WDR70: variants seen among roughly 807,000 people sequenced by gnomAD.
WDR70 encodes WD repeat-containing protein 70.
WDR70 carries 53 observed loss-of-function variants against 88.6 expected under a neutral mutation model. The observed-to-expected ratio is 0.60, with a 90% CI of 0.48 to 0.75. The LOEUF is 0.75. Among genes scored for constraint, WDR70 ranks in the 30% least tolerant of loss-of-function variants. WDR70 has a pLI of 0.00. For missense variants in WDR70, 610 were observed against 823.2 expected, an observed-to-expected ratio of 0.74 and a Z score of 3.17; for synonymous variants, 280 against 270.0, an observed-to-expected ratio of 1.04 and a Z score of -0.36.
At chr5:37,482,552 C>G (rs1487954805) in intron 8 of WDR70, among the ~76,000 whole-genome samples, 1 of 152,182 alleles carries the variant, frequency 6.6e-6, no homozygotes, top group Non-Finnish European at 1.5e-5. Flanking sequence ...TTATCTGCAC[C>G]TGGCCCCACC....
chr5:37,406,617 T>C (rs543007927), intron 5 of WDR70, among the ~76,000 whole-genome samples: 2 of 152,236 alleles, frequency 1.3e-5, no homozygotes, highest in Non-Finnish European at 2.9e-5. Context: ...TGAATGAATG[T>C]ATAAAGAACC....
At chr5:37,726,603 C>G (rs1207678344) in intron 16 of WDR70, among the ~76,000 whole-genome samples, 2 of 152,060 alleles carry the variant, frequency 1.3e-5, no homozygotes, top group Non-Finnish European at 2.9e-5. Flanking sequence ...CTTTTTAAAG[C>G]ATATAGATGG....
At chr5:37,611,228 A>G (rs1744181885) in intron 10 of WDR70, among the ~76,000 whole-genome samples, 2 of 151,712 alleles carry the variant, frequency 1.3e-5, no homozygotes, top group Non-Finnish European at 2.9e-5. Flanking sequence ...CCTCAAGTAC[A>G]CTAATTTAAG....
intron 4 of WDR70, among the ~76,000 whole-genome samples, chr5:37,392,907 A>C (rs1359297062): frequency 6.6e-6 from 1 of 151,990 alleles, no homozygotes; most frequent in Non-Finnish European, 1.5e-5. Flanking sequence ...AGCCTCCCAA[A>C]GTGCTGGGAT....
intron 10 of WDR70, among the ~76,000 whole-genome samples, chr5:37,625,762 C>T (rs1016207284): frequency 2.6e-5 from 4 of 152,076 alleles, no homozygotes; most frequent in Non-Finnish European, 5.9e-5. Flanking sequence ...CTCCTGACCT[C>T]AAGTGATCTG....
chr5:37,493,542 C>G (rs138361612), intron 8 of WDR70, among the ~76,000 whole-genome samples: 1,565 of 152,254 alleles, frequency 0.01, 77 homozygotes, highest in Admixed American at 0.085. Context: ...TTCCCAGAAC[C>G]TCTAGAAAAT....
At chr5:37,607,796 A>G (rs1744073996) in intron 10 of WDR70, among the ~76,000 whole-genome samples, 2 of 152,074 alleles carry the variant, frequency 1.3e-5, no homozygotes, top group South Asian at 2.1e-4. Context: ...CCTTTTATTC[A>G]TATGATGATG....
chr5:37,398,719 A>G (rs1394557194), intron 5 of WDR70, among the ~76,000 whole-genome samples: 1 of 152,188 alleles, frequency 6.6e-6, no homozygotes, highest in Admixed American at 6.5e-5. Flanking sequence ...AAAACAAACA[A>G]GAATAAAATA....
chr5:37,531,818 CTT>C (rs147719349), intron 9 of WDR70, among the ~76,000 whole-genome samples: 3 of 148,092 alleles, frequency 2.0e-5, no homozygotes, highest in African/African-American at 7.4e-5. Flanking sequence ...GCCTGAATAC[CTT>C]TTTTTTTTCA....
chr5:37,463,678 A>T (rs1218936625), intron 7 of WDR70, among the ~76,000 whole-genome samples: 2 of 152,214 alleles, frequency 1.3e-5, no homozygotes, highest in Non-Finnish European at 2.9e-5. Flanking sequence ...TTTACTGGTT[A>T]GATTGGCTTT....
rs200460734 is a variant in WDR70 at position 37,474,014 on chromosome 5, G to A, written c.687-5820G>A. Among the ~76,000 whole-genome samples the A allele has an allele frequency of 4.1e-4, 62 of 152,146 alleles. No homozygotes were observed. In the South Asian group the frequency reaches 6.0e-3, roughly 15 times the overall value. ...TTTCTACTTTAGCTATATGTCACAA[G>A]TTCTAATTCATTATATTTTCATTAT... On this transcript the variant is annotated intron_variant, in intron 7 of 17. Coordinates refer to ENST00000265107, the MANE Select transcript of WDR70 (RefSeq NM_018034.4).
At chr5:37,640,323 G>A (rs1253445475) in intron 10 of WDR70, among the ~76,000 whole-genome samples, 1 of 152,168 alleles carries the variant, frequency 6.6e-6, no homozygotes, top group Non-Finnish European at 1.5e-5. Context: ...GACTGTGGGA[G>A]CAAACATTCC....
chr5:37,650,278 G>A (rs1745364867), intron 10 of WDR70, among the ~76,000 whole-genome samples: 2 of 151,704 alleles, frequency 1.3e-5, no homozygotes, highest in Admixed American at 1.3e-4. Flanking sequence ...GTGGGCGCCT[G>A]TAGTCCCAGC....
Position 37,722,882 on chromosome 5 carries a change from C to T in WDR70, c.1545C>T (p.Thr515=). The change falls in exon 15 of 18, where the codon ACC becomes ACT. Residue 515 remains threonine (T), a synonymous_variant. Coordinates refer to ENST00000265107, the MANE Select transcript of WDR70 (RefSeq NM_018034.4). ...GAGCAAAATTATGTGTGGTTAAAACCCAGCGGAAGGCAAAACAAGCTGAGA... is the reference window on the plus strand; with the variant it reads ...GAGCAAAATTATGTGTGGTTAAAACTCAGCGGAAGGCAAAACAAGCTGAGA... ...QRGAKLCVVK[T]QRKAKQAETL... 2 of 1,613,548 alleles carry T rather than the reference C, an allele frequency of 1.2e-6. No individual in the cohort carries two copies. Among genetic ancestry groups the T allele is most frequent in the Non-Finnish European group, 1.7e-6 (2 of 1,179,666 alleles).
rs767825868 is a variant in WDR70 at position 37,726,928 on chromosome 5, A to G, written c.1760A>G (p.Tyr587Cys). The G allele has an allele frequency of 3.1e-6, 5 of 1,609,128 alleles. No homozygotes were observed. Among genetic ancestry groups the G allele is most frequent in the African/African-American group, 1.3e-5 (1 of 74,506 alleles). The change falls in exon 17 of 18, where the codon TAT becomes TGT. Residue 587 changes from tyrosine to cysteine, a missense_variant. By Grantham distance (194) the Tyr-to-Cys change is radical. Transcript: ENST00000265107. ...VGTHGGTLSS[Y>C]IVKNIALDKT... ...ACCCACGGGGGCACTCTCTCTTCCT[A>G]TATTGTGAAGAACATTGCTTTGGAC...
At chr5:37,728,165 T>C (rs1159978464) in intron 17 of WDR70, among the ~76,000 whole-genome samples, 5 of 151,842 alleles carry the variant, frequency 3.3e-5, no homozygotes. Context: ...CTGGCCAACA[T>C]GGTGAAAGCC....
At chr5:37,442,381 C>A (rs533963744) in intron 6 of WDR70, among the ~76,000 whole-genome samples, 1 of 148,114 alleles carries the variant, frequency 6.8e-6, no homozygotes, top group East Asian at 2.0e-4. Context: ...CTCTGTCACC[C>A]AGGGTGGAAT....
intron 9 of WDR70, among the ~76,000 whole-genome samples, chr5:37,534,275 T>C (rs983997951): frequency 2.6e-5 from 4 of 152,128 alleles, no homozygotes; most frequent in Non-Finnish European, 5.9e-5. Flanking sequence ...ATTTAAAAGG[T>C]TTTGAATGGG....
chr5:37,462,983 G>A (rs972661768), intron 7 of WDR70, among the ~76,000 whole-genome samples: 15 of 152,026 alleles, frequency 9.9e-5, no homozygotes, highest in Admixed American at 1.3e-4. Flanking sequence ...CATGAAATAA[G>A]GAGACTAAGG....
Sources: allele counts gnomAD v4.1 joint callset (sites outside exome capture counted in the v4.1 genomes callset), GRCh38; gene constraint gnomAD v4.1.1; transcripts MANE v1.5; gene names NCBI Gene and HGNC (gene_info 2026-07-23, HGNC 2026-07-21).